Variants in PCDH15 observed in about 807,000 individuals in gnomAD.
PCDH15 encodes protocadherin related 15, also known as protocadherin-15.
PCDH15 carries 129 observed loss-of-function variants against 178.5 expected under a neutral mutation model. The ratio of observed to expected loss-of-function variants is 0.72; its 90% CI spans 0.63 to 0.84. PCDH15 has a LOEUF of 0.84. Among genes scored for constraint, PCDH15 ranks in the 40% least tolerant of loss-of-function variants. The pLI is 0.00. For missense variants in PCDH15, 2,230 were observed against 2,099.9 expected, an observed-to-expected ratio of 1.06 and a Z score of -1.21; for synonymous variants, 800 against 732.0, an observed-to-expected ratio of 1.09 and a Z score of -1.50.
rs150433093 is a variant in PCDH15 at position 54,641,509 on chromosome 10, C to A, written c.91+22663G>T. On this transcript the variant is annotated intron_variant, in intron 2 of 37. Coordinates refer to ENST00000644397, the MANE Select transcript of PCDH15 (RefSeq NM_001384140.1). ...GGCCCTATTCTACCTTATTACATAC[C>A]ACTTTTCCTCCCTTTATTCCACTTC... Among the ~76,000 whole-genome samples, 5 of 151,872 alleles carry A rather than the reference C, an allele frequency of 3.3e-5. No individual in the cohort carries two copies. The East Asian group carries it at 9.7e-4, about 30-fold the overall frequency.
chr10:54,544,858 T>G (rs1350845746), intron 2 of PCDH15, among the ~76,000 whole-genome samples: 2 of 152,240 alleles, frequency 1.3e-5, no homozygotes, highest in African/African-American at 2.4e-5. Context: ...ATTAATTTAC[T>G]TGAGTACAGT....
chr10:55,287,674 A>AGT (rs374391307), intron 1 of PCDH15, among the ~76,000 whole-genome samples: 3 of 151,604 alleles, frequency 2.0e-5, no homozygotes, highest in African/African-American at 7.3e-5. Context: ...TTTCTTGTGT[A>AGT]GTGTGTGTGT....
chr10:54,921,313 A>G (rs1837480834), intron 2 of PCDH15, among the ~76,000 whole-genome samples: 1 of 149,972 alleles, frequency 6.7e-6, no homozygotes, highest in African/African-American at 2.4e-5. Context: ...TATTATTTTT[A>G]TTTTTATTTA....
intron 3 of PCDH15, among the ~76,000 whole-genome samples, chr10:54,867,248 A>G (rs1281315186): frequency 6.6e-6 from 1 of 152,088 alleles, no homozygotes; most frequent in Non-Finnish European, 1.5e-5. Flanking sequence ...GGGATTCAGC[A>G]CCTGGAAAGT....
intron 8 of PCDH15, among the ~76,000 whole-genome samples, chr10:54,248,173 T>A (rs1199761483): frequency 2.0e-5 from 3 of 151,764 alleles, no homozygotes; most frequent in Non-Finnish European, 4.4e-5. Flanking sequence ...ATATGAATTT[T>A]GAAAGTTTAT....
intron 1 of PCDH15, among the ~76,000 whole-genome samples, chr10:54,775,843 G>A (rs1035757734): frequency 5.9e-5 from 9 of 152,202 alleles, no homozygotes; most frequent in Non-Finnish European, 8.8e-5. Flanking sequence ...CCGAGATAGC[G>A]CCACTGCACT....
chr10:54,596,405 C>G (rs539789208), intron 2 of PCDH15, among the ~76,000 whole-genome samples: 1 of 152,156 alleles, frequency 6.6e-6, no homozygotes, highest in African/African-American at 2.4e-5. Flanking sequence ...TTCAGAAAAG[C>G]AAATGCTGAG....
At chr10:54,146,574 T>G (rs1229345034) in intron 14 of PCDH15, among the ~76,000 whole-genome samples, 1 of 151,826 alleles carries the variant, frequency 6.6e-6, no homozygotes, top group Non-Finnish European at 1.5e-5. Flanking sequence ...TTCTTCTGTA[T>G]GCTTATCAAA....
rs183052748 is a variant in PCDH15 at position 55,219,759 on chromosome 10, A to G, written c.-155-53108T>C. ...TTAGATGCCTCCGTTTCCAGCTAAC[A>G]TAATGTAATTGTTTAATGAGTACAT... On this transcript the variant is annotated intron_variant, in intron 1 of 5. Coordinates refer to the PCDH15 transcript ENST00000458638. 1.4e-3 allele frequency among the ~76,000 whole-genome samples: 211 copies of G among 151,906 alleles called. 1 individual carries two copies. Among genetic ancestry groups the G allele is most frequent in the Middle Eastern group, 0.01 (3 of 294 alleles).
At chr10:53,918,009 A>C (rs1244548905) in intron 25 of PCDH15, among the ~76,000 whole-genome samples, 1 of 152,152 alleles carries the variant, frequency 6.6e-6, no homozygotes, top group Non-Finnish European at 1.5e-5. Flanking sequence ...TCAAGAGCAG[A>C]TGCCAGCACC....
chr10:54,766,577 A>G (rs1057299522), intron 1 of PCDH15, among the ~76,000 whole-genome samples: 39 of 152,082 alleles, frequency 2.6e-4, no homozygotes, highest in African/African-American at 9.4e-4. Flanking sequence ...CTCTAAATGT[A>G]TCACATAGTG....
intron 2 of PCDH15, among the ~76,000 whole-genome samples, chr10:55,468,724 C>T (rs953779115): frequency 6.6e-6 from 1 of 152,126 alleles, no homozygotes; most frequent in Admixed American, 6.5e-5. Flanking sequence ...ATTTGAATTT[C>T]ATTTGAGATT....
At chr10:55,379,205 C>T (rs897445024) in intron 2 of PCDH15, among the ~76,000 whole-genome samples, 3 of 151,880 alleles carry the variant, frequency 2.0e-5, no homozygotes, top group African/African-American at 7.3e-5. Context: ...CTTTCCCCTA[C>T]AGATGTAACT....
At chr10:54,917,283 G>A (rs1292153844) in intron 2 of PCDH15, among the ~76,000 whole-genome samples, 1 of 152,086 alleles carries the variant, frequency 6.6e-6, no homozygotes, top group Non-Finnish European at 1.5e-5. Context: ...AAAATAAGAA[G>A]AGCCCTAGAG....
intron 2 of PCDH15, among the ~76,000 whole-genome samples, chr10:54,608,329 G>A (rs570738299): frequency 5.9e-5 from 9 of 151,606 alleles, no homozygotes; most frequent in South Asian, 2.1e-4. Flanking sequence ...AAAAAATAGC[G>A]GACATGGTGG....
At chr10:54,354,804 TGC>T (rs1944711328) in intron 5 of PCDH15, among the ~76,000 whole-genome samples, 1 of 152,182 alleles carries the variant, frequency 6.6e-6, no homozygotes, top group African/African-American at 2.4e-5. Flanking sequence ...ATACTGTCTG[TGC>T]TTTTAGATTT....
intron 1 of PCDH15, among the ~76,000 whole-genome samples, chr10:55,198,796 TA>T (rs1840164341): frequency 6.6e-6 from 1 of 151,948 alleles, no homozygotes; most frequent in African/African-American, 2.4e-5. Flanking sequence ...AGCTGCTTGT[TA>T]AAAAGTACTG....
intron 2 of PCDH15, among the ~76,000 whole-genome samples, chr10:54,972,805 C>G (rs556654581): frequency 5.2e-4 from 74 of 142,260 alleles, no homozygotes; most frequent in African/African-American, 1.6e-3. Context: ...GCTGACATCG[C>G]GCCACTGCAC....
At chr10:54,644,882 C>T (rs1218861835) in intron 2 of PCDH15, among the ~76,000 whole-genome samples, 1 of 152,092 alleles carries the variant, frequency 6.6e-6, no homozygotes, top group African/African-American at 2.4e-5. Flanking sequence ...CCCTTTTGCC[C>T]TTCTGCTATG....
Sources: gnomAD v4.1 joint callset for allele counts (sites outside exome capture counted in the v4.1 genomes callset) on GRCh38, gnomAD v4.1.1 for gene constraint, MANE v1.5 for transcripts, NCBI Gene and HGNC (gene_info 2026-07-23, HGNC 2026-07-21) for gene names.